The following TRAPPC4 variants were observed in gnomAD, a reference collection of about 807,000 sequenced individuals.
The protein encoded by TRAPPC4 is TRS23 homolog.
Under a neutral mutation model 23.5 loss-of-function variants are expected in TRAPPC4, and 30 were observed. The observed-to-expected ratio is 1.28, with a 90% CI of 0.96 to 1.73. The LOEUF (loss-of-function observed/expected upper bound fraction) is 1.73. Ranked by LOEUF, TRAPPC4 falls within the 40% of genes most tolerant of loss-of-function variation. The probability of loss-of-function intolerance (pLI) is 0.00; values close to 1 mark genes in which losing one functional copy is unlikely to be tolerated. For synonymous variants in TRAPPC4, 129 were observed against 105.3 expected (o/e 1.23, Z -1.38); for missense variants, 252 against 268.9 (o/e 0.94, Z 0.44).
chr11:119,021,693 C>G (rs1943361737), intron 3 of TRAPPC4, 67 bp from the exon 4 acceptor site: 1 of 1,576,748 alleles, frequency 6.3e-7, no homozygotes, highest in Non-Finnish European at 8.6e-7. Flanking sequence ...AAGTGCTGTA[C>G]AAATACAGGA....
At position 119,019,150 on chromosome 11, in the gene TRAPPC4, T is replaced by C. The variant is rs1362273235; in HGVS notation, c.183T>C (p.His61=). 1 of 1,614,138 alleles carries C rather than the reference T, an allele frequency of 6.2e-7. No homozygotes were observed. Among genetic ancestry groups the C allele is most frequent in the Non-Finnish European group, 8.5e-7 (1 of 1,179,988 alleles). The change falls in exon 2 of 5, where the codon CAT becomes CAC. Residue 61 remains histidine (H), a synonymous_variant. Transcript: ENST00000533632. ...FGQRDGIRVG[H]AVLAINGMDV... ...TTAGCTTCACCTCTGCAGTGGGTCA[T>C]GCAGTGCTGGCCATCAATGGCATGG...
chr11:119,023,674 A>G lies in TRAPPC4; in HGVS notation c.*275A>G, dbSNP rs1592105711. Reference sequence around the variant, plus strand: ...TATTCCTTTGATCTTGGTGTTTGCAATCTGTCTTAATCGATGGTTTTGGGG... The same window carrying G: ...TATTCCTTTGATCTTGGTGTTTGCAGTCTGTCTTAATCGATGGTTTTGGGG... On this transcript the variant is annotated 3_prime_UTR_variant, in exon 5 of 5. Transcript: ENST00000533632. The G allele has an allele frequency of 3.7e-6, 1 of 267,388 alleles. No individual in the cohort carries two copies. Among genetic ancestry groups the G allele is most frequent in the Non-Finnish European group, 7.1e-6 (1 of 141,022 alleles). The allele number at this position is 267,388 out of a possible 1,614,324, so 16.6% of individuals were successfully genotyped here.
In TRAPPC4 at chr11:119,019,230, A is replaced by G; in HGVS notation, c.263A>G (p.Asn88Ser). 1 of 1,613,984 alleles carries G rather than the reference A, an allele frequency of 6.2e-7. No individual in the cohort carries two copies. Among genetic ancestry groups the G allele is most frequent in the Non-Finnish European group, 8.5e-7 (1 of 1,179,966 alleles). ...AAAGAGGTGCTGGAGTATCTGGGTAACCCTGCTAATTACCCGGTGTCCATT... is the reference window on the plus strand; with the variant it reads ...AAAGAGGTGCTGGAGTATCTGGGTAGCCCTGCTAATTACCCGGTGTCCATT... ...DGKEVLEYLGNPANYPVSIRF... is the reference protein window; with the variant it reads ...DGKEVLEYLGSPANYPVSIRF... Residue 88 changes from asparagine to serine, a missense_variant, in exon 2 of 5, where the codon AAC becomes AGC. Around this residue, in one of 3 missense-constraint regions of TRAPPC4, gnomAD observed 222 missense variants for 217.8 expected, o/e 1.02. Coordinates refer to ENST00000533632, the MANE Select transcript of TRAPPC4 (RefSeq NM_016146.6).
chr11:119,019,118 C>T (rs1178512120), intron 1 of TRAPPC4, 25 bp from the exon 2 acceptor site: 1 of 1,606,836 alleles, frequency 6.2e-7, no homozygotes. Context: ...TGCACCTTCG[C>T]TGACCGTTAG....
chr11:119,019,378 C>A, intron 2 of TRAPPC4, 61 bp downstream of exon 2: 1 of 1,539,334 alleles, frequency 6.5e-7, no homozygotes, highest in South Asian at 1.2e-5. Flanking sequence ...CTTAAATCGT[C>A]GTTCTGGTGT....
chr11:119,023,124 C>G, intron 4 of TRAPPC4, 197 bp from the exon 5 acceptor site: 1 of 457,612 alleles, frequency 2.2e-6, no homozygotes, highest in Non-Finnish European at 4.0e-6. Flanking sequence ...GCCACCATGC[C>G]TGGCTAATTT....
intron 3 of TRAPPC4, 154 bp from the exon 4 acceptor site, chr11:119,021,606 A>G (rs976647431): frequency 7.7e-6 from 6 of 776,338 alleles, no homozygotes; most frequent in African/African-American, 7.1e-5. Flanking sequence ...GGTAGATTCA[A>G]AGTCTTGCCT....
rs1307746359 is a variant in TRAPPC4, at chr11:119,019,245, C to T, written c.278C>T (p.Pro93Leu). ...LEYLGNPANY[P>L]VSIRFGRPRL... Reference sequence around the variant, plus strand: ...TATCTGGGTAACCCTGCTAATTACCCGGTGTCCATTCGATTTGGCCGGCCC... The same window carrying T: ...TATCTGGGTAACCCTGCTAATTACCTGGTGTCCATTCGATTTGGCCGGCCC... Residue 93 changes from proline to leucine, a missense_variant, in exon 2 of 5, where the codon CCG becomes CTG. Pro to Leu is a moderately conservative substitution (Grantham distance 98, BLOSUM62 -3). This residue lies in a region of TRAPPC4 where 222 missense variants were observed against 217.8 expected (regional missense o/e 1.02). Coordinates refer to ENST00000533632, the MANE Select transcript of TRAPPC4 (RefSeq NM_016146.6). 6.2e-7 allele frequency: 1 copy of T among 1,614,074 alleles called. No individual in the cohort carries two copies.
Position 119,018,969 on chromosome 11 carries a change from A to T in TRAPPC4, c.174A>T (p.Arg58=). The change falls in exon 1 of 5, where the codon CGA becomes CGT. Residue 58 remains arginine, a splice_region_variant and synonymous_variant. Transcript: ENST00000533632. ...CTTTCGGCCAGCGGGACGGCATCCG[A>T]GGTGGGCTAGGCTCGGGCCCGTGGC... ...LVAFGQRDGI[R]VGHAVLAING... 6.2e-7 allele frequency: 1 copy of T among 1,610,608 alleles called. No homozygotes were observed. The highest frequency in any genetic ancestry group is 1.7e-5 in the Admixed American group (1 of 59,942).
At chr11:119,019,015 C>A (rs978381948) in intron 1 of TRAPPC4, 45 bp downstream of exon 1, 1 of 1,600,404 alleles carries the variant, frequency 6.2e-7, no homozygotes, top group African/African-American at 1.3e-5. Context: ...GTGGGAGGGC[C>A]CCAGTGCTGT....
intron 4 of TRAPPC4, chr11:119,023,070 T>G: frequency 3.6e-6 from 1 of 278,800 alleles, no homozygotes. Context: ...GTTCAGGCGA[T>G]TCTTTTGTCT....
intron 4 of TRAPPC4, 53 bp downstream of exon 4, chr11:119,021,939 T>G: frequency 6.2e-7 from 1 of 1,602,488 alleles, no homozygotes; most frequent in East Asian, 2.2e-5. Context: ...CCCCTCCCTG[T>G]GTGCTCTGTC....
intron 4 of TRAPPC4, 93 bp from the exon 5 acceptor site, chr11:119,023,228 A>C: frequency 8.2e-7 from 1 of 1,214,856 alleles, no homozygotes; most frequent in Non-Finnish European, 1.2e-6. Context: ...GCCTTCCATG[A>C]TATATGTTGT....
intron 3 of TRAPPC4, chr11:119,020,881 G>C (rs1435363478): frequency 6.6e-6 from 1 of 151,116 alleles, no homozygotes; most frequent in Non-Finnish European, 1.5e-5. Context: ...AATTTTTTGT[G>C]GGGTTTTTTT....
chr11:119,021,822 A>C lies in TRAPPC4; in HGVS notation c.517A>C (p.Ile173Leu), dbSNP rs781804350. The change falls in exon 4 of 5, where the codon ATT (isoleucine) becomes CTT (leucine). Residue 173 changes from isoleucine to leucine, a missense_variant. Ile to Leu is a conservative substitution (Grantham distance 5). This residue lies in a region of TRAPPC4 where 222 missense variants were observed against 217.8 expected (regional missense o/e 1.02). Transcript: ENST00000533632. ...QAGIDSLLRK[I>L]YEIYSDFALK... Reference sequence around the variant, plus strand: ...TGGAATAGATTCTCTTCTCCGAAAGATTTATGAGATTTACTCAGACTTTGC... The same window carrying C: ...TGGAATAGATTCTCTTCTCCGAAAGCTTTATGAGATTTACTCAGACTTTGC... 1.7e-5 allele frequency: 28 copies of C among 1,614,126 alleles called. No individual in the cohort carries two copies. The South Asian group carries it at 2.1e-4, about 12-fold the overall frequency.
At position 119,023,384 on chromosome 11, in the gene TRAPPC4, T is replaced by C; in HGVS notation, c.645T>C (p.Phe215=). The stretch of plus-strand genomic sequence containing the variant: ...AGGTGGCAGAGAAGGCTGGAACTTT[T>C]GGACCTGGGTCATAGGCTGAACCTG... ...ALEVAEKAGT[F]GPGS is the part of the protein sequence containing the mutation. The change falls in exon 5 of 5, where the codon TTT becomes TTC. Residue 215 remains phenylalanine (F), a synonymous_variant. Coordinates refer to ENST00000533632, the MANE Select transcript of TRAPPC4 (RefSeq NM_016146.6). 1.2e-6 allele frequency: 2 copies of C among 1,614,104 alleles called. No homozygotes were observed. Among genetic ancestry groups the C allele is most frequent in the African/African-American group, 1.3e-5 (1 of 75,050 alleles).
Position 119,018,861 on chromosome 11 carries a change from C to G in TRAPPC4, c.66C>G (p.Tyr22Ter). The change falls in exon 1 of 5, where the codon TAC becomes TAG. Residue 22 changes from tyrosine to a stop codon, truncating the protein, a stop_gained. Coordinates refer to ENST00000533632, the MANE Select transcript of TRAPPC4 (RefSeq NM_016146.6). LOFTEE classifies it high-confidence loss of function. ...AGGLIYQLDS[Y>*]APRAEAEKTF... is the part of the protein sequence containing the mutation. ...GCTTGATTTACCAGTTGGACAGCTA[C>G]GCGCCACGGGCTGAGGCTGAGAAAA... The G allele has an allele frequency of 1.2e-6, 2 of 1,614,190 alleles. No individual in the cohort carries two copies. Among genetic ancestry groups the G allele is most frequent in the Admixed American group, 1.7e-5 (1 of 60,026 alleles).
At chr11:119,020,730 C>T (rs1288728109) in intron 3 of TRAPPC4, 2 of 131,334 alleles carry the variant, frequency 1.5e-5, no homozygotes, top group Non-Finnish European at 3.1e-5. Context: ...TTTTGAGATG[C>T]AGTTTCACTC....
rs753786674 is a variant in TRAPPC4 at position 119,023,566 on chromosome 11, C to T, written c.*167C>T. 6.6e-6 allele frequency: 4 copies of T among 608,746 alleles called. No homozygotes were observed. The highest frequency in any genetic ancestry group is 1.2e-5 in the Non-Finnish European group (4 of 336,662). The allele number at this position is 608,746 out of a possible 1,614,324, so 37.7% of individuals were successfully genotyped here. On this transcript the variant is annotated 3_prime_UTR_variant, in exon 5 of 5. Transcript: ENST00000533632. ...CTGAGCCTTAACACTGTGCTCTTTCCTTCTGTATATACCATGGTCTTACTT... is the reference window on the plus strand; with the variant it reads ...CTGAGCCTTAACACTGTGCTCTTTCTTTCTGTATATACCATGGTCTTACTT...
Sources: allele counts gnomAD v4.1 joint callset, GRCh38; gene constraint gnomAD v4.1.1; regional missense constraint gnomAD v4.1.1; transcripts MANE v1.5; gene names NCBI Gene and HGNC (gene_info 2026-07-23, HGNC 2026-07-21).